PLPPR1: variants seen among roughly 807,000 people sequenced by gnomAD.
PLPPR1 encodes the protein phospholipid phosphatase-related protein type 1.
In PLPPR1, 10 loss-of-function variants were observed where a neutral mutation model predicts 33.1. The ratio of observed to expected loss-of-function variants is 0.30; its 90% confidence interval spans 0.19 to 0.51. The LOEUF (loss-of-function observed/expected upper bound fraction) is 0.51. PLPPR1 is among the 20% of genes least tolerant of loss of function. The pLI, the probability that PLPPR1 is intolerant of heterozygous loss-of-function variation, is 0.97. For synonymous variants in PLPPR1, 151 were observed against 151.0 expected (o/e 1.00, Z 0.00); for missense variants, 304 against 408.1 (o/e 0.74, Z 2.20).
chr9:101,188,963 C>G (rs1041024462), intron 2 of PLPPR1, among the ~76,000 whole-genome samples: 2 of 151,994 alleles, frequency 1.3e-5, no homozygotes, highest in African/African-American at 4.8e-5. Flanking sequence ...TATTCCTCTC[C>G]TACTGTAATT....
intron 1 of PLPPR1, among the ~76,000 whole-genome samples, chr9:101,063,730 C>A (rs113789313): frequency 6.6e-6 from 1 of 152,046 alleles, no homozygotes; most frequent in African/African-American, 2.4e-5. Flanking sequence ...TCTTTTCAAT[C>A]TTAAGGTTTT....
chr9:101,053,080 A>G (rs1380512455), intron 1 of PLPPR1, among the ~76,000 whole-genome samples: 1 of 152,232 alleles, frequency 6.6e-6, no homozygotes, highest in Non-Finnish European at 1.5e-5. Context: ...AAGAGCCCAG[A>G]TTCACATGTT....
At chr9:101,033,413 C>G (rs1051761888) in intron 1 of PLPPR1, among the ~76,000 whole-genome samples, 2 of 152,106 alleles carry the variant, frequency 1.3e-5, no homozygotes, top group South Asian at 2.1e-4. Flanking sequence ...TCTTGGAAAG[C>G]ATTAGTAGAG....
chr9:101,200,431 C>T (rs1826471897), intron 2 of PLPPR1, among the ~76,000 whole-genome samples: 1 of 151,962 alleles, frequency 6.6e-6, no homozygotes, highest in African/African-American at 2.4e-5. Flanking sequence ...TCAAAGTTCA[C>T]TTTATGGGAA....
chr9:101,036,701 C>CAAAAAAA (rs5899427), intron 1 of PLPPR1, among the ~76,000 whole-genome samples: 4 of 103,702 alleles, frequency 3.9e-5, no homozygotes, highest in Admixed American at 1.0e-4. Flanking sequence ...CTATTTCTGC[C>CAAAAAAA]AAAAAAAAAA....
intron 1 of PLPPR1, among the ~76,000 whole-genome samples, chr9:101,057,288 A>G (rs1024636034): frequency 6.6e-6 from 1 of 152,142 alleles, no homozygotes; most frequent in African/African-American, 2.4e-5. Flanking sequence ...AGGATGAAAA[A>G]CGTGATTTGA....
At chr9:101,146,141 T>C (rs1033544133) in intron 1 of PLPPR1, among the ~76,000 whole-genome samples, 10 of 152,220 alleles carry the variant, frequency 6.6e-5, no homozygotes, top group African/African-American at 2.4e-4. Context: ...GCATTTCTCA[T>C]AGTGTAGCAT....
At chr9:101,185,213 A>C (rs1826184643) in intron 1 of PLPPR1, 1 of 358,408 alleles carries the variant, frequency 2.8e-6, no homozygotes, top group Middle Eastern at 7.2e-4. Context: ...TATGTGCACA[A>C]GCGGCTCCTG....
At chr9:101,050,845 T>G (rs1043107100) in intron 1 of PLPPR1, among the ~76,000 whole-genome samples, 1 of 152,198 alleles carries the variant, frequency 6.6e-6, no homozygotes, top group Non-Finnish European at 1.5e-5. Context: ...TCTGAAACCC[T>G]TGTGTTACCA....
chr9:101,238,303 A>ACCC (rs1827370615), intron 2 of PLPPR1, among the ~76,000 whole-genome samples: 1 of 136,020 alleles, frequency 7.4e-6, no homozygotes, highest in African/African-American at 2.7e-5. Context: ...CTATATATAT[A>ACCC]TAGGGTATGT....
chr9:101,068,706 T>C lies in PLPPR1; in HGVS notation c.-46+39604T>C, dbSNP rs1481042687. Among the ~76,000 whole-genome samples, 13 of 151,944 alleles carry C rather than the reference T, an allele frequency of 8.6e-5. No individual in the cohort carries two copies. The East Asian group carries it at 2.1e-3, about 25-fold the overall frequency. On this transcript the variant is annotated intron_variant, in intron 1 of 7. Transcript: ENST00000374874. ...ACAAATGTGCTCAAGACTTACTAAT[T>C]AGGTGGAACCATCTAATGATTTCAT...
At position 101,289,372 on chromosome 9, in the gene PLPPR1, G is replaced by T. The variant is rs546516482; in HGVS notation, c.385+3136G>T. ...CTGTTACTCCTATTAATTTATGATC[G>T]CTTGGAGAACAGAAGTTGTATCTTT... On this transcript the variant is annotated intron_variant, in intron 4 of 7. Coordinates refer to ENST00000374874, the MANE Select transcript of PLPPR1 (RefSeq NM_207299.2). Among the ~76,000 whole-genome samples the T allele has an allele frequency of 2.0e-5, 3 of 152,114 alleles. No individual in the cohort carries two copies. The East Asian group carries it at 5.8e-4, about 29-fold the overall frequency.
chr9:101,181,209 A>G lies in PLPPR1; in HGVS notation c.-45-4241A>G, dbSNP rs1826105408. On this transcript the variant is annotated intron_variant, in intron 1 of 7. Transcript: ENST00000374874. ...AAATTTATATATATTATATGTATAT[A>G]TATATTCTCATCACTGATGATCAGG... 2.0e-5 allele frequency among the ~76,000 whole-genome samples: 3 copies of G among 147,594 alleles called. No individual in the cohort carries two copies. The Admixed American group carries it at 2.0e-4, about 10-fold the overall frequency.
In PLPPR1 at chr9:101,094,880, G is replaced by A. The variant is rs544943143; in HGVS notation, c.-46+65778G>A. ...CAGCTCACTAGTGACCTCCCATGGG[G>A]CTTCAGTCTATCTCCATTCTAGAAA... On this transcript the variant is annotated intron_variant, in intron 1 of 7. Coordinates refer to ENST00000374874, the MANE Select transcript of PLPPR1 (RefSeq NM_207299.2). Among the ~76,000 whole-genome samples, 7 of 152,220 alleles carry A rather than the reference G, an allele frequency of 4.6e-5. No individual in the cohort carries two copies. In the South Asian group the frequency reaches 1.5e-3, roughly 32 times the overall value.
At chr9:101,133,941 C>T (rs757977220) in intron 1 of PLPPR1, among the ~76,000 whole-genome samples, 2 of 152,138 alleles carry the variant, frequency 1.3e-5, no homozygotes, top group East Asian at 1.9e-4. Context: ...AAAATTGGAT[C>T]CGTAATACTA....
chr9:101,239,580 GC>G (rs1827408855), intron 2 of PLPPR1, among the ~76,000 whole-genome samples: 2 of 151,874 alleles, frequency 1.3e-5, no homozygotes, highest in South Asian at 4.1e-4. Context: ...ATCCTTGATA[GC>G]AGTTATTTTT....
intron 1 of PLPPR1, among the ~76,000 whole-genome samples, chr9:101,163,732 A>G (rs1160490300): frequency 6.6e-6 from 1 of 152,336 alleles, no homozygotes; most frequent in Middle Eastern, 3.4e-3. Context: ...ACAGGTGTTA[A>G]CTTCATCCAA....
At chr9:101,154,960 A>G in intron 1 of PLPPR1, among the ~76,000 whole-genome samples, 1 of 97,574 alleles carries the variant, frequency 1.0e-5, no homozygotes, top group East Asian at 3.7e-4. Flanking sequence ...GGGGCCTCTC[A>G]TGGGGTGGGG....
At chr9:101,083,348 A>G (rs922871132) in intron 1 of PLPPR1, among the ~76,000 whole-genome samples, 10 of 150,412 alleles carry the variant, frequency 6.6e-5, no homozygotes, top group Non-Finnish European at 1.3e-4. Flanking sequence ...GATCGTGCCA[A>G]TGCACTCCAG....
Sources: allele counts gnomAD v4.1 joint callset (sites outside exome capture counted in the v4.1 genomes callset), GRCh38; gene constraint gnomAD v4.1.1; transcripts MANE v1.5; gene names NCBI Gene and HGNC (gene_info 2026-07-23, HGNC 2026-07-21).